The following CHMP3 variants were observed in gnomAD, a reference collection of about 807,000 sequenced individuals.
CHMP3 encodes charged multivesicular body protein 3, also known as 25.1 protein.
CHMP3 carries 8 observed loss-of-function variants against 27.4 expected under a neutral mutation model. The ratio of observed to expected loss-of-function variants is 0.29; its 90% confidence interval spans 0.17 to 0.53. The LOEUF (loss-of-function observed/expected upper bound fraction) is 0.53, where lower values mean the gene tolerates loss of function less well. Among genes scored for constraint, CHMP3 ranks in the 20% least tolerant of loss-of-function variants. The pLI, the probability that CHMP3 is intolerant of heterozygous loss-of-function variation, is 0.96. For synonymous variants in CHMP3, 86 were observed against 85.5 expected, an observed-to-expected ratio of 1.01 and a Z score of -0.03; for missense variants, 208 against 271.5, an observed-to-expected ratio of 0.77 and a Z score of 1.64.
rs1442263707 is a variant in CHMP3 at position 86,550,868 on chromosome 2, A to C, written c.46-8556T>G. Among the ~76,000 whole-genome samples the C allele has an allele frequency of 3.9e-5, 6 of 152,218 alleles. No individual in the cohort carries two copies. The East Asian group carries it at 1.2e-3, about 29-fold the overall frequency. On this transcript the variant is annotated intron_variant, in intron 1 of 5. Coordinates refer to ENST00000263856, the MANE Select transcript of CHMP3 (RefSeq NM_016079.4). ...ATTAGGTATTATAAGTAATCTAGAG[A>C]TTAAAGTACACAGGAGGATGTACAT...
At position 86,563,322 on chromosome 2, in the gene CHMP3, C is replaced by T. The variant is rs759443052; in HGVS notation, c.27G>A (p.Glu9=). Residue 9 remains glutamate, a synonymous_variant, in exon 1 of 6, where the codon GAG becomes GAA. Coordinates refer to ENST00000263856, the MANE Select transcript of CHMP3 (RefSeq NM_016079.4). The stretch of plus-strand genomic sequence containing the variant: ...CCCTTACCAGTTCTTTGGGCGGCTT[C>T]TCCTGGGTCTTTCCAAACAGCCCCA... MGLFGKTQ[E]KPPKELVNEW... is the part of the protein sequence containing the mutation. 5.6e-6 allele frequency: 9 copies of T among 1,614,010 alleles called. No homozygotes were observed. The highest frequency in any genetic ancestry group is 7.6e-6 in the Non-Finnish European group (9 of 1,179,988).
At chr2:86,555,793 T>C (rs1022795191) in intron 1 of CHMP3, among the ~76,000 whole-genome samples, 4 of 152,196 alleles carry the variant, frequency 2.6e-5, no homozygotes, top group African/African-American at 9.6e-5. Context: ...ATCCCTCTTA[T>C]AAGGATACAG....
chr2:86,561,318 C>A (rs1427777480), intron 1 of CHMP3, among the ~76,000 whole-genome samples: 1 of 152,162 alleles, frequency 6.6e-6, no homozygotes, highest in Admixed American at 6.5e-5. Context: ...ACAGTTCCTA[C>A]CTCATAACAT....
chr2:86,558,239 A>G (rs1677200512), intron 1 of CHMP3, among the ~76,000 whole-genome samples: 1 of 152,164 alleles, frequency 6.6e-6, no homozygotes, highest in South Asian at 2.1e-4. Flanking sequence ...AGGTTTCTAA[A>G]TGGATTTTAA....
chr2:86,513,877 A>C (rs1675195840), intron 3 of CHMP3, among the ~76,000 whole-genome samples: 1 of 152,242 alleles, frequency 6.6e-6, no homozygotes, highest in Admixed American at 6.5e-5. Flanking sequence ...GTTTTAGTGC[A>C]CATATGACTT....
chr2:86,553,656 G>A (rs1362345113), intron 1 of CHMP3, among the ~76,000 whole-genome samples: 1 of 152,168 alleles, frequency 6.6e-6, no homozygotes, highest in Non-Finnish European at 1.5e-5. Context: ...ATAAAATCAA[G>A]TAACAGCCAA....
intron 2 of CHMP3, among the ~76,000 whole-genome samples, chr2:86,535,489 A>G (rs1404148808): frequency 6.6e-6 from 1 of 152,070 alleles, no homozygotes; most frequent in Non-Finnish European, 1.5e-5. Flanking sequence ...TCCTAAACTT[A>G]TAACACTCTA....
chr2:86,523,100 C>G (rs1675574631), intron 3 of CHMP3, among the ~76,000 whole-genome samples: 1 of 152,244 alleles, frequency 6.6e-6, no homozygotes, highest in Non-Finnish European at 1.5e-5. Flanking sequence ...GCTCTCCTAA[C>G]AGCTGTAAAA....
At chr2:86,514,810 T>C (rs555766929) in intron 3 of CHMP3, among the ~76,000 whole-genome samples, 151 of 152,312 alleles carry the variant, frequency 9.9e-4, no homozygotes, top group African/African-American at 3.4e-3. Context: ...TTAATTAAAA[T>C]GTTAATTAAA....
intron 3 of CHMP3, among the ~76,000 whole-genome samples, chr2:86,518,675 T>C (rs1675407766): frequency 6.6e-6 from 1 of 152,098 alleles, no homozygotes; most frequent in African/African-American, 2.4e-5. Flanking sequence ...CAGCCCTGGT[T>C]TCTGCCCACT....
chr2:86,536,012 T>TTC (rs1676120844), intron 2 of CHMP3, among the ~76,000 whole-genome samples: 1 of 147,808 alleles, frequency 6.8e-6, no homozygotes, highest in Admixed American at 6.7e-5. Context: ...TTTTTTTTTT[T>TTC]TGAGACGGAG....
chr2:86,513,287 T>C (rs950212720), intron 3 of CHMP3, among the ~76,000 whole-genome samples: 24 of 152,198 alleles, frequency 1.6e-4, no homozygotes, highest in African/African-American at 5.3e-4. Flanking sequence ...TCCAACTATA[T>C]GACATTCTAG....
intron 3 of CHMP3, among the ~76,000 whole-genome samples, chr2:86,523,713 T>G (rs1675602570): frequency 6.6e-6 from 1 of 152,130 alleles, no homozygotes; most frequent in Non-Finnish European, 1.5e-5. Flanking sequence ...CTCCCACCTC[T>G]TTCTTTAAAA....
intron 1 of CHMP3, among the ~76,000 whole-genome samples, chr2:86,551,982 G>A (rs989650182): frequency 6.6e-6 from 1 of 152,188 alleles, no homozygotes; most frequent in African/African-American, 2.4e-5. Context: ...AGAAACCACT[G>A]CATCTTGGAG....
At chr2:86,534,680 T>C (rs2103961397) in intron 2 of CHMP3, among the ~76,000 whole-genome samples, 1 of 152,356 alleles carries the variant, frequency 6.6e-6, no homozygotes, top group Non-Finnish European at 1.5e-5. Context: ...TGTATTATCT[T>C]CTTGCTGTAT....
At chr2:86,511,176 T>C (rs1675092669) in intron 3 of CHMP3, 1 of 152,198 alleles carries the variant, frequency 6.6e-6, no homozygotes, top group African/African-American at 2.4e-5. Flanking sequence ...CTGAGAGCTG[T>C]CATATACAAG....
intron 3 of CHMP3, among the ~76,000 whole-genome samples, chr2:86,517,183 A>G (rs1222706768): frequency 6.6e-6 from 1 of 152,252 alleles, no homozygotes; most frequent in Non-Finnish European, 1.5e-5. Context: ...ACAAATGAAA[A>G]AAGGATATTG....
intron 1 of CHMP3, among the ~76,000 whole-genome samples, chr2:86,555,072 T>A (rs1038875220): frequency 1.3e-5 from 2 of 152,086 alleles, no homozygotes; most frequent in African/African-American, 4.8e-5. Flanking sequence ...GGTCTTGAAC[T>A]CCTGACCTCA....
intron 1 of CHMP3, among the ~76,000 whole-genome samples, chr2:86,551,739 T>A (rs1206118991): frequency 2.0e-5 from 3 of 152,260 alleles, no homozygotes; most frequent in Non-Finnish European, 4.4e-5. Flanking sequence ...AATTTCTCAC[T>A]GCCCTGGTAG....
Sources: gnomAD v4.1 joint callset for allele counts (sites outside exome capture counted in the v4.1 genomes callset) on GRCh38, gnomAD v4.1.1 for gene constraint, MANE v1.5 for transcripts, NCBI Gene and HGNC (gene_info 2026-07-23, HGNC 2026-07-21) for gene names.